The following VAPA variants were observed in gnomAD, a reference collection of about 807,000 sequenced individuals.
VAPA encodes vesicle-associated membrane protein-associated protein A.
VAPA carries 6 observed loss-of-function variants against 25.6 expected under a neutral mutation model. That is an observed-to-expected ratio of 0.23 (90% confidence interval 0.13 to 0.46). The LOEUF is 0.46. VAPA is among the 20% of genes least tolerant of loss of function. The pLI, the probability that VAPA is intolerant of heterozygous loss-of-function variation, is 0.99. For missense variants in VAPA, 244 were observed against 302.1 expected, an observed-to-expected ratio of 0.81 and a Z score of 1.43; for synonymous variants, 112 against 106.2, an observed-to-expected ratio of 1.05 and a Z score of -0.34.
At chr18:9,925,141 G>C (rs942573410) in intron 1 of VAPA, 2 of 151,964 alleles carry the variant, frequency 1.3e-5, no homozygotes, top group Non-Finnish European at 2.9e-5. Context: ...TCCCAGAATG[G>C]GAATACTGGT....
At position 9,937,121 on chromosome 18, in the gene VAPA, A is replaced by G. The variant is rs1260659216; in HGVS notation, c.417+55A>G. On this transcript the variant is annotated intron_variant, in intron 4 of 5. Transcript: ENST00000400000. Reference sequence around the variant, plus strand: ...AGCTGTTGAGCTCTCAGTTCCTTTGATTAATTTTGCTTTTATTTTTGACCT... The same window carrying G: ...AGCTGTTGAGCTCTCAGTTCCTTTGGTTAATTTTGCTTTTATTTTTGACCT... 2.1e-6 allele frequency: 3 copies of G among 1,454,622 alleles called. No homozygotes were observed. In the African/African-American group the frequency reaches 4.2e-5, roughly 21 times the overall value. 90.1% of individuals were successfully genotyped at this position (1,454,622 alleles called of 1,614,324 possible).
intron 5 of VAPA, 135 bp from the exon 6 acceptor site, chr18:9,953,918 G>A: frequency 8.2e-6 from 8 of 980,406 alleles, no homozygotes; most frequent in Non-Finnish European, 1.1e-5. Context: ...TATGTGGTTA[G>A]CAGTTAATCC....
intron 5 of VAPA, chr18:9,950,841 C>G (rs955855203): frequency 2.7e-6 from 1 of 377,328 alleles, no homozygotes; most frequent in African/African-American, 2.1e-5. Context: ...ATGTCCTTCC[C>G]ATTTTGTGCC....
intron 4 of VAPA, among the ~76,000 whole-genome samples, chr18:9,937,487 A>G (rs2143371839): frequency 6.6e-6 from 1 of 152,132 alleles, no homozygotes; most frequent in Admixed American, 6.5e-5. Flanking sequence ...ATTCCTAGGT[A>G]TTTTGCTCAC....
intron 1 of VAPA, among the ~76,000 whole-genome samples, chr18:9,920,004 G>C (rs1171035789): frequency 6.6e-6 from 1 of 152,122 alleles, no homozygotes; most frequent in African/African-American, 2.4e-5. Context: ...TGTGCACTGA[G>C]AGAAAAGGGT....
chr18:9,927,664 G>C (rs1334116183), intron 1 of VAPA, among the ~76,000 whole-genome samples: 3 of 152,074 alleles, frequency 2.0e-5, no homozygotes, highest in Non-Finnish European at 2.9e-5. Flanking sequence ...AGGCAGGCCA[G>C]TCTCACTTGA....
chr18:9,954,111 C>A lies in VAPA; in HGVS notation c.650C>A (p.Thr217Asn), dbSNP rs1241849538. Residue 217 changes from threonine to asparagine, a missense_variant, in exon 6 of 6, where the codon ACT becomes AAT. Around this residue, in one of 2 missense-constraint regions of VAPA, gnomAD observed 145 missense variants for 140.6 expected, o/e 1.03. Coordinates refer to ENST00000400000, the MANE Select transcript of VAPA (RefSeq NM_194434.3). ...AHSDKPGSTSTASFRDNVTSP... is the reference protein window; with the variant it reads ...AHSDKPGSTSNASFRDNVTSP... ...TCGGATAAACCTGGATCAACCTCAA[C>A]TGCATCCTTCAGAGATAATGTCACC... The A allele has an allele frequency of 6.8e-6, 11 of 1,614,164 alleles. No homozygotes were observed. Among genetic ancestry groups the A allele is most frequent in the Non-Finnish European group, 9.3e-6 (11 of 1,179,996 alleles).
intron 4 of VAPA, chr18:9,949,638 A>C (rs1435665117): frequency 6.6e-6 from 1 of 152,332 alleles, no homozygotes; most frequent in East Asian, 1.9e-4. Context: ...AGCTTGTTAC[A>C]CTAATACTGC....
At chr18:9,936,853 TC>T in intron 3 of VAPA, 132 bp from the exon 4 acceptor site, 1 of 630,176 alleles carries the variant, frequency 1.6e-6, no homozygotes, top group East Asian at 2.8e-5. Flanking sequence ...GGCAGGGTGA[TC>T]AATAAAGAGT....
chr18:9,936,038 C>G (rs1235184989), intron 2 of VAPA, 72 bp from the exon 3 acceptor site: 5 of 1,069,254 alleles, frequency 4.7e-6, no homozygotes, highest in Non-Finnish European at 6.6e-6. Context: ...ATAATTTAAT[C>G]TGTAACTGTT....
chr18:9,945,144 G>A (rs2069408790), intron 4 of VAPA: 1 of 1,458,014 alleles, frequency 6.9e-7, no homozygotes, highest in Admixed American at 1.9e-5. Flanking sequence ...AAGTGGTATT[G>A]TGAGTATGTT....
rs201920601 is a variant in VAPA at position 9,954,850 on chromosome 18, T to C, written c.*639T>C. The C allele has an allele frequency of 9.2e-5, 14 of 152,802 alleles. No homozygotes were observed. The East Asian group carries it at 2.5e-3, about 27-fold the overall frequency. 9.5% of individuals were successfully genotyped at this position (152,802 alleles called of 1,614,324 possible). ...TAGCTTGTTTGTGTCTGTCGTGTTATTAGAGGGAACTCCACTATATATGGT... is the reference window on the plus strand; with the variant it reads ...TAGCTTGTTTGTGTCTGTCGTGTTACTAGAGGGAACTCCACTATATATGGT... On this transcript the variant is annotated 3_prime_UTR_variant, in exon 6 of 6. Transcript: ENST00000400000.
At chr18:9,926,198 A>C (rs186381189) in intron 1 of VAPA, among the ~76,000 whole-genome samples, 109 of 152,276 alleles carry the variant, frequency 7.2e-4, no homozygotes, top group African/African-American at 2.5e-3. Flanking sequence ...TATAGTATTA[A>C]TATATGTTTT....
rs71169911 is a variant in VAPA, at chr18:9,943,841, C to CTTTTTTTTTTTTTTTTTTT, written c.418-6535_418-6517dup. On this transcript the variant is annotated intron_variant, in intron 4 of 5. Transcript: ENST00000400000. ...TGACATTTGAAGGTGACATATTTCC[C>CTTTTTTTTTTTTTTTTTTT]TTTTTTTTTTTTTTTTTTTTTTTTT... Among the ~76,000 whole-genome samples, 4 of 51,770 alleles carry CTTTTTTTTTTTTTTTTTTT rather than the reference C, an allele frequency of 7.7e-5. 1 individual carries two copies. The highest frequency in any genetic ancestry group is 2.6e-4 in the African/African-American group (4 of 15,570). The allele number at this position is 51,770 out of a possible 152,430, so 34.0% of individuals were successfully genotyped here. A position where few individuals can be genotyped will look rare whatever the true frequency, so the allele number is the denominator to read the frequency against.
At position 9,954,098 on chromosome 18, in the gene VAPA, G is replaced by C; in HGVS notation, c.637G>C (p.Gly213Arg). Residue 213 changes from glycine to arginine, a missense_variant, in exon 6 of 6, where the codon GGA becomes CGA. Transcript: ENST00000400000. ...LRKVAHSDKP[G>R]STSTASFRDN... ...AAAGGTAGCACATTCGGATAAACCT[G>C]GATCAACCTCAACTGCATCCTTCAG... 2.5e-6 allele frequency: 4 copies of C among 1,614,056 alleles called. No homozygotes were observed. The highest frequency in any genetic ancestry group is 2.5e-6 in the Non-Finnish European group (3 of 1,179,992).
intron 4 of VAPA, among the ~76,000 whole-genome samples, chr18:9,940,116 T>C (rs1160589617): frequency 1.3e-5 from 2 of 152,232 alleles, no homozygotes; most frequent in Non-Finnish European, 2.9e-5. Flanking sequence ...CCTCGTGATG[T>C]ACAGTTGATC....
Position 9,955,141 on chromosome 18 carries a change from A to T in VAPA, c.*930A>T, listed in dbSNP as rs2069534024. On this transcript the variant is annotated 3_prime_UTR_variant, in exon 6 of 6. Coordinates refer to ENST00000400000, the MANE Select transcript of VAPA (RefSeq NM_194434.3). ...ATTTACCCCATTCTTAAGTTCTGAG[A>T]GTATGTTCTCAAGGAAGATTTAACT... The T allele has an allele frequency of 6.6e-6, 1 of 152,132 alleles. No homozygotes were observed. The allele number at this position is 152,132 out of a possible 1,614,324, so 9.4% of individuals were successfully genotyped here. A position where few individuals can be genotyped will look rare whatever the true frequency, so the allele number is the denominator to read the frequency against.
chr18:9,917,851 C>A (rs1300674773), intron 1 of VAPA, among the ~76,000 whole-genome samples: 1 of 152,142 alleles, frequency 6.6e-6, no homozygotes, highest in East Asian at 1.9e-4. Flanking sequence ...ATATTTAGCA[C>A]ATTTTTAGGT....
chr18:9,927,204 G>T (rs1228573190), intron 1 of VAPA, among the ~76,000 whole-genome samples: 1 of 152,026 alleles, frequency 6.6e-6, no homozygotes, highest in African/African-American at 2.4e-5. Context: ...GTCTGGACAG[G>T]GCAGATAGAT....
Sources: allele counts gnomAD v4.1 joint callset (sites outside exome capture counted in the v4.1 genomes callset), GRCh38; gene constraint gnomAD v4.1.1; regional missense constraint gnomAD v4.1.1; transcripts MANE v1.5; gene names NCBI Gene and HGNC (gene_info 2026-07-23, HGNC 2026-07-21).